CAPN8: variants seen among roughly 807,000 people sequenced by gnomAD.
CAPN8 encodes the protein calpain-8.
Under a neutral mutation model 80.9 loss-of-function variants are expected in CAPN8, and 87 were observed. That is an observed-to-expected ratio of 1.07 (90% CI 0.90 to 1.28). The LOEUF (loss-of-function observed/expected upper bound fraction) is 1.28. CAPN8 is among the 50% of genes most tolerant of loss of function. The pLI is 0.00. For missense variants in CAPN8, 757 were observed against 702.0 expected (o/e 1.08, Z -0.89); for synonymous variants, 299 against 273.8 (o/e 1.09, Z -0.91).
chr1:223,553,485 T>C (rs1020046922), intron 14 of CAPN8, among the ~76,000 whole-genome samples: 7,778 of 152,254 alleles, frequency 0.051, 251 homozygotes, highest in South Asian at 0.099. Context: ...GGATATCTAT[T>C]TGGAGAGGTT....
chr1:223,549,820 A>G (rs1363611895), intron 15 of CAPN8, among the ~76,000 whole-genome samples: 2 of 152,232 alleles, frequency 1.3e-5, no homozygotes, highest in Non-Finnish European at 2.9e-5. Context: ...AGCTAACTTT[A>G]TATGGCTAGG....
chr1:223,647,317 C>T (rs1384053448), intron 2 of CAPN8, among the ~76,000 whole-genome samples: 1 of 152,138 alleles, frequency 6.6e-6, no homozygotes, highest in African/African-American at 2.4e-5. Flanking sequence ...CAAAAACTAC[C>T]TTTCTTTTGT....
chr1:223,541,877 A>G lies in CAPN8; in HGVS notation c.2089-18T>C, dbSNP rs891486402. On this transcript the variant is annotated intron_variant, in intron 20 of 20. Transcript: ENST00000366872. The stretch of plus-strand genomic sequence containing the variant: ...CACAGCCACTGCAAAGGAAAGGGAC[A>G]AGATTGAGTCTTGGCTTCTCAGGGG... The G allele has an allele frequency of 3.9e-5, 59 of 1,509,214 alleles. No homozygotes were observed. The highest frequency in any genetic ancestry group is 4.9e-5 in the Non-Finnish European group (56 of 1,132,576). The allele number at this position is 1,509,214 out of a possible 1,614,324, so 93.5% of individuals were successfully genotyped here.
At chr1:223,550,921 T>G (rs1432894689) in intron 15 of CAPN8, 39 bp downstream of exon 15, 2 of 714,664 alleles carry the variant, frequency 2.8e-6, no homozygotes, top group Non-Finnish European at 5.2e-6. Context: ...CCCCAGCATC[T>G]CCTACGGACT....
intron 2 of CAPN8, among the ~76,000 whole-genome samples, chr1:223,646,434 G>T (rs1319360823): frequency 6.6e-6 from 1 of 152,194 alleles, no homozygotes. Context: ...GCCCAGAGCT[G>T]CCCTGAAGGT....
intron 2 of CAPN8, among the ~76,000 whole-genome samples, chr1:223,634,536 C>T (rs909927247): frequency 1.3e-5 from 2 of 152,158 alleles, no homozygotes; most frequent in African/African-American, 4.8e-5. Context: ...TTAGTCCATT[C>T]GTGCTGCTAT....
chr1:223,634,626 C>A (rs1657863621), intron 2 of CAPN8, among the ~76,000 whole-genome samples: 1 of 152,188 alleles, frequency 6.6e-6, no homozygotes, highest in African/African-American at 2.4e-5. Flanking sequence ...AAAGCACCAG[C>A]AGAGTTGATA....
chr1:223,662,647 G>T (rs1334429709), intron 1 of CAPN8, among the ~76,000 whole-genome samples: 1 of 152,072 alleles, frequency 6.6e-6, no homozygotes, highest in East Asian at 1.9e-4. Context: ...TTTAGAAGGG[G>T]TTAAGATGGC....
chr1:223,633,732 T>A (rs1295821083), intron 2 of CAPN8, among the ~76,000 whole-genome samples: 1 of 152,126 alleles, frequency 6.6e-6, no homozygotes, highest in Non-Finnish European at 1.5e-5. Context: ...TAAAAAAGAA[T>A]CCCTTAATTC....
chr1:223,634,725 C>A (rs757848766), intron 2 of CAPN8, among the ~76,000 whole-genome samples: 1 of 152,124 alleles, frequency 6.6e-6, no homozygotes, highest in African/African-American at 2.4e-5. Flanking sequence ...CTCTCTAGGG[C>A]GTCTTTTATA....
intron 13 of CAPN8, 97 bp from the exon 14 acceptor site, chr1:223,553,997 G>A: frequency 2.5e-6 from 1 of 396,992 alleles, no homozygotes; most frequent in Non-Finnish European, 4.4e-6. Flanking sequence ...TAGTATCTAT[G>A]ATGCACCTAC....
At chr1:223,629,230 G>GTGTT (rs796986016) in intron 2 of CAPN8, among the ~76,000 whole-genome samples, 2 of 115,998 alleles carry the variant, frequency 1.7e-5, no homozygotes, top group African/African-American at 6.2e-5. Flanking sequence ...GTGTGTGTGT[G>GTGTT]TTTATGTTCC....
chr1:223,658,247 T>C (rs1458364249), intron 1 of CAPN8, among the ~76,000 whole-genome samples: 2 of 152,186 alleles, frequency 1.3e-5, no homozygotes, highest in African/African-American at 4.8e-5. Context: ...TTTCATTAGA[T>C]TCATATCTAA....
Position 223,618,213 on chromosome 1 carries a change from G to C in CAPN8, c.1135+1080C>G. ...ATTTGCTTTTCTTCATTTCTCCTTA[G>C]AGATGTGGGGCTGTCTTCCTGAGTT... On this transcript the variant is annotated intron_variant, in intron 9 of 20. Coordinates refer to ENST00000366872, the MANE Select transcript of CAPN8 (RefSeq NM_001143962.2). 4 of 1,550,130 alleles carry C rather than the reference G, an allele frequency of 2.6e-6. No individual in the cohort carries two copies. The South Asian group carries it at 4.8e-5, about 18-fold the overall frequency.
At chr1:223,620,510 AC>A (rs1657355106) in intron 7 of CAPN8, among the ~76,000 whole-genome samples, 1 of 152,092 alleles carries the variant, frequency 6.6e-6, no homozygotes, top group Non-Finnish European at 1.5e-5. Context: ...GAACATTATG[AC>A]TCAAACATTA....
chr1:223,657,513 T>A (rs1278243550), intron 1 of CAPN8, among the ~76,000 whole-genome samples: 3 of 152,188 alleles, frequency 2.0e-5, no homozygotes, highest in African/African-American at 7.2e-5. Context: ...ACACCTGTAA[T>A]CCCAGCACTT....
chr1:223,658,005 C>T (rs1409405032), intron 1 of CAPN8, among the ~76,000 whole-genome samples: 1 of 152,130 alleles, frequency 6.6e-6, no homozygotes, highest in African/African-American at 2.4e-5. Flanking sequence ...TCCTCAGTCT[C>T]CTTCATGCAT....
chr1:223,655,695 G>C lies in CAPN8; in HGVS notation c.238-1296C>G, dbSNP rs75759836. On this transcript the variant is annotated intron_variant, in intron 1 of 20. Transcript: ENST00000366872. ...AGAGAAAAATGAGAAGGGCCCAACA[G>C]GGATGATGGCTGCAAGACTTAGTGG... Among the ~76,000 whole-genome samples, 578 of 152,216 alleles carry C rather than the reference G, an allele frequency of 3.8e-3. 7 individuals carry two copies. Among genetic ancestry groups the C allele is most frequent in the African/African-American group, 0.013 (554 of 41,520 alleles).
intron 13 of CAPN8, among the ~76,000 whole-genome samples, chr1:223,556,302 GGTGT>G (rs1165666796): frequency 2.0e-5 from 3 of 150,690 alleles, no homozygotes; most frequent in Non-Finnish European, 3.0e-5. Context: ...TGTATTCTGG[GGTGT>G]GTGTGTGTGT....
Sources: gnomAD v4.1 joint callset for allele counts (sites outside exome capture counted in the v4.1 genomes callset) on GRCh38, gnomAD v4.1.1 for gene constraint, MANE v1.5 for transcripts, NCBI Gene and HGNC (gene_info 2026-07-23, HGNC 2026-07-21) for gene names.